Variants in ZNRF3 observed in about 807,000 individuals in gnomAD.
The protein encoded by ZNRF3 is zinc and ring finger 3.
Under a neutral mutation model 72.5 loss-of-function variants are expected in ZNRF3, and 23 were observed. That is an observed-to-expected ratio of 0.32 (90% CI 0.23 to 0.45). The LOEUF (loss-of-function observed/expected upper bound fraction) is 0.45, where lower values mean the gene tolerates loss of function less well. Among genes scored for constraint, ZNRF3 ranks in the 20% least tolerant of loss-of-function variants. The pLI, the probability that ZNRF3 is intolerant of heterozygous loss-of-function variation, is 1.00. For missense variants in ZNRF3, 1,169 were observed against 1,272.1 expected, an observed-to-expected ratio of 0.92 and a Z score of 1.23; for synonymous variants, 610 against 545.3, an observed-to-expected ratio of 1.12 and a Z score of -1.65.
chr22:28,968,067 C>T (rs1051207950), intron 1 of ZNRF3, among the ~76,000 whole-genome samples: 1 of 152,154 alleles, frequency 6.6e-6, no homozygotes, highest in African/African-American at 2.4e-5. Flanking sequence ...TGGTCTGCCA[C>T]CACTCCAACA....
intron 4 of ZNRF3, among the ~76,000 whole-genome samples, chr22:29,044,145 G>C (rs1288812624): frequency 6.6e-6 from 1 of 152,216 alleles, no homozygotes; most frequent in Non-Finnish European, 1.5e-5. Context: ...GTTACATGCA[G>C]CTTCCACTTT....
chr22:28,995,723 G>C (rs1371895755), intron 2 of ZNRF3, among the ~76,000 whole-genome samples: 1 of 151,988 alleles, frequency 6.6e-6, no homozygotes, highest in East Asian at 1.9e-4. Flanking sequence ...GTGGCTGGGG[G>C]CTGGTAGGGA....
intron 2 of ZNRF3, chr22:28,993,009 T>C (rs1432748476): frequency 2.0e-5 from 3 of 152,256 alleles, no homozygotes; most frequent in Non-Finnish European, 4.4e-5. Flanking sequence ...CAAGATGTTC[T>C]TCAAGGAGCA....
At chr22:28,951,159 C>G (rs938000534) in intron 1 of ZNRF3, among the ~76,000 whole-genome samples, 4 of 152,190 alleles carry the variant, frequency 2.6e-5, no homozygotes, top group African/African-American at 9.7e-5. Context: ...ATGCTAATAT[C>G]TTCTTATAGC....
Position 29,053,562 on chromosome 22 carries a change from TTCTC to T in ZNRF3, c.2768-11_2768-8del, listed in dbSNP as rs773531608. 971 of 1,613,002 alleles carry T rather than the reference TTCTC, an allele frequency of 6.0e-4. 3 individuals are homozygous for T. The highest frequency in any genetic ancestry group is 2.8e-3 in the South Asian group (258 of 90,992). ...TGCCAGCTCCCTCCCCTGATGATTG[TTCTC>T]TCTCTTTCCCAGGACCGAGATCTCA... On this transcript the variant is annotated splice_polypyrimidine_tract_variant and intron_variant, in intron 8 of 8. Transcript: ENST00000544604.
intron 1 of ZNRF3, among the ~76,000 whole-genome samples, chr22:28,899,619 A>G (rs927110678): frequency 6.6e-6 from 1 of 152,078 alleles, no homozygotes; most frequent in Admixed American, 6.5e-5. Context: ...AGAAGATGCT[A>G]TAGAAAACTA....
intron 1 of ZNRF3, among the ~76,000 whole-genome samples, chr22:28,959,104 G>A (rs1163455181): frequency 6.6e-6 from 1 of 152,240 alleles, no homozygotes; most frequent in Non-Finnish European, 1.5e-5. Flanking sequence ...GAGAATTCTG[G>A]TTTTGTTGCA....
intron 2 of ZNRF3, among the ~76,000 whole-genome samples, chr22:29,036,186 T>C (rs1326235204): frequency 7.2e-5 from 11 of 152,210 alleles, no homozygotes; most frequent in Non-Finnish European, 1.6e-4. Context: ...GTTCATATCA[T>C]GCACATATTA....
intron 1 of ZNRF3, among the ~76,000 whole-genome samples, chr22:28,929,312 A>G (rs2034664073): frequency 6.6e-6 from 1 of 152,168 alleles, no homozygotes; most frequent in Non-Finnish European, 1.5e-5. Context: ...TGGTTTCTCC[A>G]CCTTGGCACT....
At chr22:29,022,563 C>A (rs576213373) in intron 2 of ZNRF3, among the ~76,000 whole-genome samples, 2 of 152,160 alleles carry the variant, frequency 1.3e-5, no homozygotes, top group African/African-American at 4.8e-5. Context: ...AAAACCTTGA[C>A]TTTAAATTAC....
Position 28,955,041 on chromosome 22 carries a change from T to G in ZNRF3, c.301-32035T>G, listed in dbSNP as rs368175748. ...AAATGGTATTTTTGGTGTTTTTTTT[T>G]TTTTGTTTTTTTTTTTTGAGACAAG... is the stretch of plus-strand genomic sequence containing the variant. On this transcript the variant is annotated intron_variant, in intron 1 of 8. Coordinates refer to ENST00000544604, the MANE Select transcript of ZNRF3 (RefSeq NM_001206998.2). Among the ~76,000 whole-genome samples the G allele has an allele frequency of 5.9e-4, 89 of 149,714 alleles. 1 individual carries two copies. Among genetic ancestry groups the G allele is most frequent in the Admixed American group, 1.1e-3 (17 of 15,096 alleles).
At chr22:29,002,424 G>A (rs2036163889) in intron 2 of ZNRF3, among the ~76,000 whole-genome samples, 1 of 152,140 alleles carries the variant, frequency 6.6e-6, no homozygotes. Context: ...AAAGGTACAA[G>A]AGGTGCCATT....
At chr22:29,053,431 G>A (rs979090308) in intron 8 of ZNRF3, 148 bp from the exon 9 acceptor site, 2 of 629,812 alleles carry the variant, frequency 3.2e-6, no homozygotes, top group African/African-American at 3.7e-5. Flanking sequence ...CAGCACAAAT[G>A]GAGCCCCTCT....
rs539984508 is a variant in ZNRF3 at position 28,997,646 on chromosome 22, C to T, written c.426+10445C>T. 8.5e-5 allele frequency among the ~76,000 whole-genome samples: 13 copies of T among 152,192 alleles called. No homozygotes were observed. In the South Asian group the frequency reaches 2.7e-3, roughly 32 times the overall value. On this transcript the variant is annotated intron_variant, in intron 2 of 8. Transcript: ENST00000544604. ...GTTCTGTTCAGTAACAGCTGGGTTA[C>T]TTTGGGCTGTTTAACCTCTCTGCCT... is the stretch of plus-strand genomic sequence containing the variant.
At chr22:29,041,925 G>T (rs2036970355) in intron 2 of ZNRF3, among the ~76,000 whole-genome samples, 1 of 152,152 alleles carries the variant, frequency 6.6e-6, no homozygotes, top group African/African-American at 2.4e-5. Context: ...GTTGCCAATG[G>T]CTCTGAAACA....
chr22:28,888,423 G>A (rs904010260), intron 1 of ZNRF3, among the ~76,000 whole-genome samples: 3 of 152,160 alleles, frequency 2.0e-5, no homozygotes, highest in African/African-American at 7.2e-5. Context: ...AGACAGAAAG[G>A]GATTGCCTAC....
chr22:28,923,438 G>A (rs1400367977), intron 1 of ZNRF3, among the ~76,000 whole-genome samples: 1 of 152,054 alleles, frequency 6.6e-6, no homozygotes, highest in Admixed American at 6.5e-5. Context: ...AGTCTCAAAC[G>A]GCTTTTTTTC....
intron 1 of ZNRF3, among the ~76,000 whole-genome samples, chr22:28,986,441 A>G (rs1601631380): frequency 6.6e-6 from 1 of 152,304 alleles, no homozygotes; most frequent in East Asian, 1.9e-4. Flanking sequence ...TTCTGGTTTG[A>G]CTGCACTTTC....
At chr22:28,986,720 G>T in intron 1 of ZNRF3, 1 of 862,100 alleles carries the variant, frequency 1.2e-6, no homozygotes, top group Non-Finnish European at 1.4e-6. Flanking sequence ...GTCTGTAATT[G>T]CTACTTAGTG....
Sources: gnomAD v4.1 joint callset for allele counts (sites outside exome capture counted in the v4.1 genomes callset) on GRCh38, gnomAD v4.1.1 for gene constraint, MANE v1.5 for transcripts, NCBI Gene and HGNC (gene_info 2026-07-23, HGNC 2026-07-21) for gene names.